Variants in GRIN3A observed in about 807,000 individuals in gnomAD.
GRIN3A encodes glutamate ionotropic receptor NMDA type subunit 3A.
In GRIN3A, 47 loss-of-function variants were observed where a neutral mutation model predicts 92.4. That is an observed-to-expected ratio of 0.51 (90% CI 0.40 to 0.65). GRIN3A has a LOEUF of 0.65. Ranked by LOEUF, GRIN3A falls within the 30% of genes least tolerant of loss-of-function variation. The pLI, the probability that GRIN3A is intolerant of heterozygous loss-of-function variation, is 0.00. For missense variants in GRIN3A, 1,324 were observed against 1,393.1 expected (o/e 0.95, Z 0.79); for synonymous variants, 527 against 540.6 (o/e 0.97, Z 0.35).
chr9:101,673,472 A>G (rs964006330), intron 2 of GRIN3A, among the ~76,000 whole-genome samples: 2 of 152,128 alleles, frequency 1.3e-5, no homozygotes, highest in African/African-American at 4.8e-5. Flanking sequence ...TGGGTCCCAG[A>G]GAATCACCAT....
chr9:101,660,087 A>G (rs981846777), intron 3 of GRIN3A, among the ~76,000 whole-genome samples: 1 of 151,708 alleles, frequency 6.6e-6, no homozygotes, highest in Non-Finnish European at 1.5e-5. Flanking sequence ...TGATCCATAT[A>G]AGACCCACTG....
At chr9:101,698,825 C>T (rs1244302098) in intron 1 of GRIN3A, among the ~76,000 whole-genome samples, 14 of 151,976 alleles carry the variant, frequency 9.2e-5, no homozygotes, top group Admixed American at 2.6e-4. Context: ...CGAGCCACCA[C>T]GCCTGGCTAA....
intron 3 of GRIN3A, among the ~76,000 whole-genome samples, chr9:101,657,912 T>A (rs540534288): frequency 6.6e-5 from 10 of 151,976 alleles, no homozygotes; most frequent in Non-Finnish European, 1.3e-4. Context: ...CATCCCAGAC[T>A]GAATCCTGTA....
chr9:101,582,971 A>G (rs1827907805), intron 6 of GRIN3A, among the ~76,000 whole-genome samples: 1 of 152,182 alleles, frequency 6.6e-6, no homozygotes, highest in Admixed American at 6.5e-5. Flanking sequence ...TTATACCCAC[A>G]TGCTGATAGA....
chr9:101,703,596 A>G (rs1829779068), intron 1 of GRIN3A, among the ~76,000 whole-genome samples: 1 of 152,190 alleles, frequency 6.6e-6, no homozygotes, highest in Non-Finnish European at 1.5e-5. Flanking sequence ...GGGTCCAGAC[A>G]TTTGTTCCTC....
Position 101,670,971 on chromosome 9 carries a change from A to G in GRIN3A, c.1441T>C (p.Leu481=). 6.2e-7 allele frequency: 1 copy of G among 1,613,994 alleles called. No individual in the cohort carries two copies. The highest frequency in any genetic ancestry group is 8.5e-7 in the Non-Finnish European group (1 of 1,179,934). ...DPMGKPMWTR[L]GSWQGGKIVM... ...ATCTTTCCCCCCTGCCAGCTGCCCA[A>G]GCGGGTCCACATTGGCTTTCCCATG... is the stretch of plus-strand genomic sequence containing the variant. The change falls in exon 3 of 9, where the codon TTG becomes CTG. Residue 481 remains leucine (L), a synonymous_variant. Coordinates refer to ENST00000361820, the MANE Select transcript of GRIN3A (RefSeq NM_133445.3).
chr9:101,595,043 G>T, intron 6 of GRIN3A: 1 of 1,181,528 alleles, frequency 8.5e-7, no homozygotes, highest in East Asian at 2.4e-5. Context: ...GCTCCCGGGG[G>T]CCCTGGTCGA....
chr9:101,690,811 T>C (rs1236132930), intron 1 of GRIN3A, among the ~76,000 whole-genome samples: 1 of 152,098 alleles, frequency 6.6e-6, no homozygotes, highest in Non-Finnish European at 1.5e-5. Flanking sequence ...TACTGTGTTA[T>C]AAATTAAAAT....
chr9:101,661,611 CT>C (rs1829172793), intron 3 of GRIN3A, among the ~76,000 whole-genome samples: 1 of 151,756 alleles, frequency 6.6e-6, no homozygotes. Context: ...AGTAATTGTG[CT>C]ACATATTGGA....
intron 8 of GRIN3A, among the ~76,000 whole-genome samples, chr9:101,575,035 C>T (rs1055623099): frequency 1.3e-5 from 2 of 152,192 alleles, no homozygotes; most frequent in Admixed American, 1.3e-4. Flanking sequence ...CACAGTTGAT[C>T]CATGAATTAG....
chr9:101,600,986 A>G (rs1828203402), intron 6 of GRIN3A: 2 of 152,242 alleles, frequency 1.3e-5, no homozygotes, highest in Admixed American at 1.3e-4. Context: ...TTAATAATAC[A>G]AGATGGACAA....
chr9:101,594,788 G>T, intron 6 of GRIN3A: 1 of 1,613,604 alleles, frequency 6.2e-7, no homozygotes, highest in Non-Finnish European at 8.5e-7. Flanking sequence ...CTCCGGCAGG[G>T]ACATGAACTC....
intron 6 of GRIN3A, among the ~76,000 whole-genome samples, chr9:101,585,114 C>G (rs189672345): frequency 5.3e-4 from 80 of 152,286 alleles, no homozygotes; most frequent in African/African-American, 1.9e-3. Flanking sequence ...CATCACCTGT[C>G]AAACAATTCC....
chr9:101,596,785 T>G (rs1355814529), intron 6 of GRIN3A, among the ~76,000 whole-genome samples: 1 of 152,200 alleles, frequency 6.6e-6, no homozygotes, highest in African/African-American at 2.4e-5. Flanking sequence ...TGGAAGAATC[T>G]CACATAATCT....
chr9:101,670,788 G>T lies in GRIN3A; in HGVS notation c.1624C>A (p.Leu542Ile), dbSNP rs142361059. 3 of 1,614,100 alleles carry T rather than the reference G, an allele frequency of 1.9e-6. No homozygotes were observed. The South Asian group carries it at 3.3e-5, about 18-fold the overall frequency. The change falls in exon 3 of 9, where the codon CTC becomes ATC. Residue 542 changes from leucine to isoleucine, a missense_variant. Transcript: ENST00000361820. ...DDEGLCPAGQ[L>I]CLDPMTNDSS... ...TCATTAGTCATGGGGTCTAGACAGA[G>T]TTGGCCAGCAGGGCACAAGCCTTCA...
intron 3 of GRIN3A, among the ~76,000 whole-genome samples, chr9:101,666,205 C>T (rs1023046202): frequency 1.3e-5 from 2 of 151,934 alleles, no homozygotes; most frequent in Admixed American, 1.3e-4. Flanking sequence ...CGCATACTCC[C>T]CTAGGGCTTT....
chr9:101,672,536 T>A (rs1232172536), intron 2 of GRIN3A, among the ~76,000 whole-genome samples: 1 of 152,154 alleles, frequency 6.6e-6, no homozygotes, highest in African/African-American at 2.4e-5. Context: ...ATGATGTAAG[T>A]GTAGGCTCTT....
intron 1 of GRIN3A, among the ~76,000 whole-genome samples, chr9:101,730,511 A>G (rs1830125348): frequency 6.6e-6 from 1 of 152,188 alleles, no homozygotes; most frequent in Non-Finnish European, 1.5e-5. Flanking sequence ...ACATGGAGAC[A>G]TCAGGTATGT....
chr9:101,736,505 T>A (rs564532671), intron 1 of GRIN3A, among the ~76,000 whole-genome samples: 97 of 152,264 alleles, frequency 6.4e-4, no homozygotes, highest in African/African-American at 1.0e-3. Flanking sequence ...CTTTTTTTTT[T>A]TAATTCTTAG....
Sources: gnomAD v4.1 joint callset for allele counts (sites outside exome capture counted in the v4.1 genomes callset) on GRCh38, gnomAD v4.1.1 for gene constraint, MANE v1.5 for transcripts, NCBI Gene and HGNC (gene_info 2026-07-23, HGNC 2026-07-21) for gene names.